FHIT: variants seen among roughly 807,000 people sequenced by gnomAD.
The protein encoded by FHIT is bis(5'-adenosyl)-triphosphatase.
In FHIT, 19 loss-of-function variants were observed where a neutral mutation model predicts 17.9. The ratio of observed to expected loss-of-function variants is 1.06; its 90% confidence interval spans 0.74 to 1.56. The LOEUF (loss-of-function observed/expected upper bound fraction) is 1.56. Ranked by LOEUF, FHIT falls within the 40% of genes most tolerant of loss-of-function variation. The probability of loss-of-function intolerance (pLI) is 0.00; values close to 1 mark genes in which losing one functional copy is unlikely to be tolerated. For synonymous variants in FHIT, 81 were observed against 69.7 expected (o/e 1.16, Z -0.81); for missense variants, 248 against 189.2 (o/e 1.31, Z -1.82).
intron 8 of FHIT, among the ~76,000 whole-genome samples, chr3:59,794,307 A>C (rs1383222732): frequency 6.6e-6 from 1 of 152,188 alleles, no homozygotes; most frequent in Non-Finnish European, 1.5e-5. Flanking sequence ...AATGGCACCA[A>C]TTGAAAACGC....
Position 60,750,877 on chromosome 3 carries a change from C to T in FHIT, c.-18+71042G>A, listed in dbSNP as rs371512982. On this transcript the variant is annotated intron_variant, in intron 4 of 9. Transcript: ENST00000492590. Reference sequence around the variant, plus strand: ...AGCCTGCAGAATTATTCAGACAAGCCGACTTCATCCTCCCATAGAAACAGG... The same window carrying T: ...AGCCTGCAGAATTATTCAGACAAGCTGACTTCATCCTCCCATAGAAACAGG... 5.3e-5 allele frequency among the ~76,000 whole-genome samples: 8 copies of T among 152,234 alleles called. No homozygotes were observed. In the South Asian group the frequency reaches 8.3e-4, roughly 16 times the overall value.
At chr3:60,319,262 T>C (rs1709308845) in intron 5 of FHIT, among the ~76,000 whole-genome samples, 1 of 152,106 alleles carries the variant, frequency 6.6e-6, no homozygotes, top group South Asian at 2.1e-4. Flanking sequence ...GTTCATTTAC[T>C]CATCCACCCA....
chr3:59,905,739 T>C (rs1190101980), intron 8 of FHIT, among the ~76,000 whole-genome samples: 1 of 152,096 alleles, frequency 6.6e-6, no homozygotes, highest in African/African-American at 2.4e-5. Flanking sequence ...TATAAAAGAA[T>C]AGAAAACCCG....
intron 5 of FHIT, among the ~76,000 whole-genome samples, chr3:60,030,808 A>C (rs1459923099): frequency 6.6e-6 from 1 of 152,218 alleles, no homozygotes; most frequent in Non-Finnish European, 1.5e-5. Flanking sequence ...TATTAGAACG[A>C]ATGACTGTTG....
intron 4 of FHIT, among the ~76,000 whole-genome samples, chr3:60,813,800 TTATGTCTTCTTAATTTAA>T (rs1553736740): frequency 6.6e-6 from 1 of 152,200 alleles, no homozygotes; most frequent in African/African-American, 2.4e-5. Flanking sequence ...TGTATAATCC[TTATGTCTTCTTAATTTAA>T]TGACTCCTTT....
intron 5 of FHIT, among the ~76,000 whole-genome samples, chr3:60,266,409 A>C (rs1445053883): frequency 6.6e-6 from 1 of 152,090 alleles, no homozygotes; most frequent in African/African-American, 2.4e-5. Context: ...TTCATGAGAA[A>C]CAGAAATGAC....
chr3:60,763,178 G>C (rs1699719466), intron 4 of FHIT, among the ~76,000 whole-genome samples: 1 of 152,150 alleles, frequency 6.6e-6, no homozygotes, highest in South Asian at 2.1e-4. Context: ...ACACGAGACA[G>C]AATGTGTAAA....
intron 5 of FHIT, among the ~76,000 whole-genome samples, chr3:60,352,578 C>T (rs1014996073): frequency 1.3e-5 from 2 of 152,130 alleles, no homozygotes; most frequent in Admixed American, 1.3e-4. Context: ...GACAGCTTAC[C>T]GCAGCCTTCA....
At chr3:60,662,229 T>C (rs1464198058) in intron 4 of FHIT, among the ~76,000 whole-genome samples, 1 of 152,198 alleles carries the variant, frequency 6.6e-6, no homozygotes, top group Non-Finnish European at 1.5e-5. Context: ...AAGTGAGAGA[T>C]GAGGATCCAG....
At chr3:60,866,631 T>C (rs1199970261) in intron 3 of FHIT, among the ~76,000 whole-genome samples, 1 of 152,210 alleles carries the variant, frequency 6.6e-6, no homozygotes, top group African/African-American at 2.4e-5. Context: ...AGTAAATGTT[T>C]ACTGCAGTTT....
intron 3 of FHIT, among the ~76,000 whole-genome samples, chr3:61,025,671 T>A (rs935753297): frequency 6.6e-6 from 1 of 151,958 alleles, no homozygotes; most frequent in Non-Finnish European, 1.5e-5. Context: ...CTACTTCCCA[T>A]CTACCAAGGA....
At chr3:60,295,548 T>C (rs1330000179) in intron 5 of FHIT, among the ~76,000 whole-genome samples, 1 of 151,972 alleles carries the variant, frequency 6.6e-6, no homozygotes, top group East Asian at 1.9e-4. Context: ...AAGTTGCTCA[T>C]TGCTACCCGG....
chr3:60,198,457 G>C (rs1174831059), intron 5 of FHIT, among the ~76,000 whole-genome samples: 1 of 152,168 alleles, frequency 6.6e-6, no homozygotes, highest in East Asian at 1.9e-4. Flanking sequence ...GACTTCAGGA[G>C]GCTGATTAAT....
intron 5 of FHIT, among the ~76,000 whole-genome samples, chr3:60,392,819 C>T (rs1469550314): frequency 6.6e-6 from 1 of 152,068 alleles, no homozygotes; most frequent in African/African-American, 2.4e-5. Flanking sequence ...GTGGACTGGT[C>T]ACAAGTAAAA....
chr3:60,461,423 A>G (rs531678921), intron 5 of FHIT, among the ~76,000 whole-genome samples: 16 of 147,082 alleles, frequency 1.1e-4, no homozygotes, highest in African/African-American at 4.2e-4. Flanking sequence ...TGAGTCAGCT[A>G]AATAAAATTA....
chr3:60,524,959 C>T (rs1305665262), intron 5 of FHIT, among the ~76,000 whole-genome samples: 1 of 152,142 alleles, frequency 6.6e-6, no homozygotes, highest in East Asian at 1.9e-4. Context: ...CCATTCAACT[C>T]ACTACAGGAA....
chr3:59,943,684 G>GA (rs1313477782), intron 7 of FHIT, among the ~76,000 whole-genome samples: 2 of 152,168 alleles, frequency 1.3e-5, no homozygotes, highest in African/African-American at 4.8e-5. Context: ...GTGGAAGAAA[G>GA]AACATATTTG....
rs183030481 is a variant in FHIT, at chr3:60,134,332, G to C, written c.104-120180C>G. Among the ~76,000 whole-genome samples the C allele has an allele frequency of 2.5e-3, 378 of 152,274 alleles. 5 individuals carry two copies. The highest frequency in any genetic ancestry group is 0.017 in the Middle Eastern group (5 of 294). The stretch of plus-strand genomic sequence containing the variant: ...TTAGTCGCAGAGACATCTGGAAAAA[G>C]ATAATCCAATGGGGCAGGTTTTTAT... On this transcript the variant is annotated intron_variant, in intron 5 of 9. Transcript: ENST00000492590.
intron 5 of FHIT, among the ~76,000 whole-genome samples, chr3:60,436,149 G>A (rs901705592): frequency 6.6e-6 from 1 of 152,054 alleles, no homozygotes; most frequent in African/African-American, 2.4e-5. Flanking sequence ...CTGGGCTCAA[G>A]CAATTCTTCT....
Sources: allele counts gnomAD v4.1 joint callset (sites outside exome capture counted in the v4.1 genomes callset), GRCh38; gene constraint gnomAD v4.1.1; transcripts MANE v1.5; gene names NCBI Gene and HGNC (gene_info 2026-07-23, HGNC 2026-07-21).